Variants in CMTM4 observed in about 807,000 individuals in gnomAD.
The protein encoded by CMTM4 is CKLF-like MARVEL transmembrane domain-containing protein 4.
In CMTM4, 8 loss-of-function variants were observed where a neutral mutation model predicts 19.0. The ratio of observed to expected loss-of-function variants is 0.42; its 90% CI spans 0.25 to 0.76. The LOEUF is 0.76. CMTM4 is among the 30% of genes least tolerant of loss of function. The pLI, the probability that CMTM4 is intolerant of heterozygous loss-of-function variation, is 0.27. For synonymous variants in CMTM4, 106 were observed against 121.1 expected (o/e 0.88, Z 0.82); for missense variants, 228 against 290.2 (o/e 0.79, Z 1.56).
chr16:66,634,618 G>C (rs796389315), intron 2 of CMTM4, among the ~76,000 whole-genome samples: 16 of 152,164 alleles, frequency 1.1e-4, no homozygotes, highest in African/African-American at 3.1e-4. Context: ...GTAAACAGGG[G>C]AACAGTGTGG....
Position 66,620,874 on chromosome 16 carries a change from T to C in CMTM4, c.*1184A>G, listed in dbSNP as rs965109073. ...GCATCATGGGGACTCACTGAACTCA[T>C]TCACCACACACAATAATCTTCACTT... On this transcript the variant is annotated 3_prime_UTR_variant, in exon 4 of 4. Transcript: ENST00000394106. 6.1e-6 allele frequency: 6 copies of C among 985,674 alleles called. No individual in the cohort carries two copies. Among genetic ancestry groups the C allele is most frequent in the Admixed American group, 6.1e-5 (1 of 16,266 alleles). 61.1% of individuals were successfully genotyped at this position (985,674 alleles called of 1,614,324 possible). A position where few individuals can be genotyped will look rare whatever the true frequency, so the allele number is the denominator to read the frequency against.
chr16:66,642,059 C>T (rs748169680), intron 1 of CMTM4, among the ~76,000 whole-genome samples: 22 of 152,160 alleles, frequency 1.4e-4, no homozygotes, highest in Admixed American at 1.4e-3. Context: ...TAATACTCTG[C>T]TGTTACAAGC....
chr16:66,665,258 T>G (rs1567422909), intron 1 of CMTM4, among the ~76,000 whole-genome samples: 1 of 100,576 alleles, frequency 9.9e-6, no homozygotes, highest in South Asian at 4.2e-4. Flanking sequence ...AAGACCCTGT[T>G]TCTTAAAAAA....
intron 1 of CMTM4, among the ~76,000 whole-genome samples, chr16:66,652,333 G>A (rs1274584773): frequency 1.3e-5 from 2 of 152,168 alleles, no homozygotes; most frequent in East Asian, 3.9e-4. Flanking sequence ...GGTGCTTACC[G>A]CAGACCCCTG....
At chr16:66,650,886 A>T (rs1272541975) in intron 1 of CMTM4, among the ~76,000 whole-genome samples, 2 of 152,174 alleles carry the variant, frequency 1.3e-5, no homozygotes, top group Non-Finnish European at 2.9e-5. Flanking sequence ...CCTAGTGAAG[A>T]CCTACGAAGC....
At position 66,618,278 on chromosome 16, in the gene CMTM4, T is replaced by C. The variant is rs1409917949; in HGVS notation, c.*3780A>G. On this transcript the variant is annotated 3_prime_UTR_variant, in exon 4 of 4. Transcript: ENST00000394106. ...CCTTTCTGATACCTGTTTAACGTCA[T>C]TATTACTCTGTAAACAAGATCTGGA... is the stretch of plus-strand genomic sequence containing the variant. 2.0e-6 allele frequency: 2 copies of C among 985,340 alleles called. No individual in the cohort carries two copies. Among genetic ancestry groups the C allele is most frequent in the African/African-American group, 3.5e-5 (2 of 57,246 alleles). The allele number at this position is 985,340 out of a possible 1,614,324, so 61.0% of individuals were successfully genotyped here.
chr16:66,677,811 C>G (rs1335985904), intron 1 of CMTM4, among the ~76,000 whole-genome samples: 3 of 152,068 alleles, frequency 2.0e-5, no homozygotes, highest in African/African-American at 7.2e-5. Flanking sequence ...AAGTGATTCT[C>G]CTGTCCCAGC....
At position 66,621,357 on chromosome 16, in the gene CMTM4, C is replaced by T. The variant is rs1193743581; in HGVS notation, c.*701G>A. 1.0e-6 allele frequency: 1 copy of T among 985,652 alleles called. No homozygotes were observed. Among genetic ancestry groups the T allele is most frequent in the Non-Finnish European group, 1.2e-6 (1 of 829,940 alleles). 61.1% of individuals were successfully genotyped at this position (985,652 alleles called of 1,614,324 possible). Reference sequence around the variant, plus strand: ...TTAGGGTAGGCAGGAAACTGGAAAACAAGATAGTCCCCATAACAAGATGGC... The same window carrying T: ...TTAGGGTAGGCAGGAAACTGGAAAATAAGATAGTCCCCATAACAAGATGGC... On this transcript the variant is annotated 3_prime_UTR_variant, in exon 4 of 4. Coordinates refer to ENST00000394106, the MANE Select transcript of CMTM4 (RefSeq NM_181521.3).
intron 2 of CMTM4, among the ~76,000 whole-genome samples, chr16:66,632,389 G>C (rs1362898059): frequency 6.6e-6 from 1 of 152,154 alleles, no homozygotes; most frequent in Non-Finnish European, 1.5e-5. Context: ...AGGGGCAGGG[G>C]GTGTGTTTAG....
At chr16:66,653,368 C>T (rs1314782736) in intron 1 of CMTM4, among the ~76,000 whole-genome samples, 1 of 150,680 alleles carries the variant, frequency 6.6e-6, no homozygotes, top group Non-Finnish European at 1.5e-5. Flanking sequence ...AGACCCACTA[C>T]CCTGGCAACC....
chr16:66,631,827 A>G (rs149958522), intron 2 of CMTM4, among the ~76,000 whole-genome samples: 1,730 of 152,328 alleles, frequency 0.011, 33 homozygotes, highest in African/African-American at 0.037. Flanking sequence ...TAGGAAAACC[A>G]GAGACCTTTG....
intron 1 of CMTM4, among the ~76,000 whole-genome samples, chr16:66,656,641 T>C (rs1419682775): frequency 6.6e-6 from 1 of 151,800 alleles, no homozygotes; most frequent in Non-Finnish European, 1.5e-5. Context: ...AAAATACTTA[T>C]TAACTACATA....
At chr16:66,680,856 T>C (rs2016902214) in intron 1 of CMTM4, among the ~76,000 whole-genome samples, 1 of 147,052 alleles carries the variant, frequency 6.8e-6, no homozygotes. Flanking sequence ...GTCCTTTCCA[T>C]CTCCACTGCC....
chr16:66,624,974 C>T (rs539773772), intron 2 of CMTM4, among the ~76,000 whole-genome samples: 87 of 152,260 alleles, frequency 5.7e-4, no homozygotes, highest in African/African-American at 1.7e-3. Flanking sequence ...ACACTCAGCT[C>T]TGGGTAAGAT....
intron 1 of CMTM4, among the ~76,000 whole-genome samples, chr16:66,666,086 AGAAAG>A (rs201079132): frequency 0.021 from 3,100 of 150,776 alleles, 93 homozygotes; most frequent in African/African-American, 0.071. Flanking sequence ...AAAACAGAAA[AGAAAG>A]GAAAGGAAAG....
intron 1 of CMTM4, among the ~76,000 whole-genome samples, chr16:66,645,255 G>A (rs935779573): frequency 6.6e-6 from 1 of 151,654 alleles, no homozygotes; most frequent in Non-Finnish European, 1.5e-5. Context: ...CTGCACTCCA[G>A]CCTGGGCAAC....
At chr16:66,629,439 T>TG (rs1359468757) in intron 2 of CMTM4, among the ~76,000 whole-genome samples, 1 of 152,172 alleles carries the variant, frequency 6.6e-6, no homozygotes, top group Non-Finnish European at 1.5e-5. Flanking sequence ...TGATCCAAAA[T>TG]GCCCACAAGA....
chr16:66,634,345 C>T (rs2015947399), intron 2 of CMTM4, among the ~76,000 whole-genome samples: 1 of 151,564 alleles, frequency 6.6e-6, no homozygotes, highest in Non-Finnish European at 1.5e-5. Flanking sequence ...GAGGGTGAGG[C>T]AGGAGAATCG....
At chr16:66,606,264 G>A in the CMTM4 span, among the ~76,000 whole-genome samples, 11 of 152,142 alleles carry the variant, frequency 7.2e-5, no homozygotes. Flanking sequence ...ACAGAGAGAG[G>A]AAGTGGCCCC....
Sources: gnomAD v4.1 joint callset for allele counts (sites outside exome capture counted in the v4.1 genomes callset) on GRCh38, gnomAD v4.1.1 for gene constraint, MANE v1.5 for transcripts, NCBI Gene and HGNC (gene_info 2026-07-23, HGNC 2026-07-21) for gene names.